The following NAALADL2 variants were observed in gnomAD, a reference collection of about 807,000 sequenced individuals.
NAALADL2 encodes inactive N-acetylated-alpha-linked acidic dipeptidase-like protein 2.
Under a neutral mutation model 87.2 loss-of-function variants are expected in NAALADL2, and 76 were observed. The ratio of observed to expected loss-of-function variants is 0.87; its 90% CI spans 0.72 to 1.05. NAALADL2 has a LOEUF of 1.05. Among genes scored for constraint, NAALADL2 ranks in the 50% least tolerant of loss-of-function variants. NAALADL2 has a pLI of 0.00. For missense variants in NAALADL2, 1,089 were observed against 945.8 expected, an observed-to-expected ratio of 1.15 and a Z score of -1.99; for synonymous variants, 354 against 331.0, an observed-to-expected ratio of 1.07 and a Z score of -0.75.
chr3:175,342,057 G>T lies in NAALADL2; in HGVS notation c.1090+17732G>T, dbSNP rs867496332. Among the ~76,000 whole-genome samples, 3 of 152,048 alleles carry T rather than the reference G, an allele frequency of 2.0e-5. No homozygotes were observed. The East Asian group carries it at 5.8e-4, about 29-fold the overall frequency. Reference sequence around the variant, plus strand: ...TCTGTCCTTATACCAGTAATACACTGTCTAGGTTACTATAATTTTGTAGTA... The same window carrying T: ...TCTGTCCTTATACCAGTAATACACTTTCTAGGTTACTATAATTTTGTAGTA... On this transcript the variant is annotated intron_variant, in intron 5 of 13. Transcript: ENST00000454872.
At chr3:174,694,288 G>C (rs604072) in intron 2 of NAALADL2, among the ~76,000 whole-genome samples, 52,236 of 151,812 alleles carry the variant, frequency 0.34, 10,170 homozygotes, top group Non-Finnish European at 0.43. Context: ...AGTAACTATG[G>C]CTGAAAAAAT....
chr3:175,683,497 T>C (rs768265584), intron 11 of NAALADL2, among the ~76,000 whole-genome samples: 5 of 151,970 alleles, frequency 3.3e-5, no homozygotes, highest in Non-Finnish European at 5.9e-5. Flanking sequence ...TTTAATACAT[T>C]ATATATGTAT....
In NAALADL2 at chr3:175,809,422, A is replaced by G. The variant is rs1306410264; in HGVS notation, c.*6219A>G. The G allele has an allele frequency of 2.0e-5, 3 of 149,472 alleles. No homozygotes were observed. The highest frequency in any genetic ancestry group is 4.4e-5 in the Non-Finnish European group (3 of 67,622). 9.3% of individuals were successfully genotyped at this position (149,472 alleles called of 1,614,324 possible). ...GAATATGGATATTCTGAAAAGAAAA[A>G]CCCTTTCTAGAACACTGTGCAGGAC... On this transcript the variant is annotated 3_prime_UTR_variant, in exon 14 of 14. Transcript: ENST00000454872.
intron 5 of NAALADL2, among the ~76,000 whole-genome samples, chr3:175,442,933 A>G (rs553718652): frequency 9.2e-5 from 14 of 152,192 alleles, no homozygotes; most frequent in Non-Finnish European, 1.5e-4. Context: ...TTTTCATCTC[A>G]TATCTAATGG....
chr3:175,071,819 C>T (rs1462438401), intron 1 of NAALADL2, among the ~76,000 whole-genome samples: 2 of 151,938 alleles, frequency 1.3e-5, no homozygotes, highest in African/African-American at 4.8e-5. Context: ...CAATGAAAAA[C>T]ATGAAAAGAG....
intron 11 of NAALADL2, among the ~76,000 whole-genome samples, chr3:175,690,288 A>G (rs930087909): frequency 8.5e-5 from 13 of 152,188 alleles, no homozygotes; most frequent in African/African-American, 2.9e-4. Flanking sequence ...CTGGAGAAAT[A>G]ATATTCAGGG....
In NAALADL2 at chr3:174,789,135, A is replaced by G. The variant is rs1315437974; in HGVS notation, c.-9+51389A>G. Among the ~76,000 whole-genome samples, 4 of 152,284 alleles carry G rather than the reference A, an allele frequency of 2.6e-5. No individual in the cohort carries two copies. The East Asian group carries it at 5.8e-4, about 22-fold the overall frequency. ...GAGCAAAATGTTTTTTCATTAATCC[A>G]TATTGCTTCATTTGTAACTGTCTTC... is the stretch of plus-strand genomic sequence containing the variant. On this transcript the variant is annotated intron_variant, in intron 3 of 3. Transcript: ENST00000434257.
chr3:175,154,142 T>C (rs574812476), intron 2 of NAALADL2, among the ~76,000 whole-genome samples: 1 of 152,294 alleles, frequency 6.6e-6, no homozygotes, highest in South Asian at 2.1e-4. Context: ...AATTTCTAGG[T>C]GATTTCAACA....
At chr3:175,180,776 A>G (rs924092879) in intron 2 of NAALADL2, among the ~76,000 whole-genome samples, 3 of 151,656 alleles carry the variant, frequency 2.0e-5, no homozygotes, top group Non-Finnish European at 4.4e-5. Flanking sequence ...AAAGTGTACT[A>G]TTTGTTATGT....
At chr3:175,268,901 T>C (rs918527669) in intron 4 of NAALADL2, among the ~76,000 whole-genome samples, 5 of 151,914 alleles carry the variant, frequency 3.3e-5, no homozygotes, top group African/African-American at 9.7e-5. Context: ...AAATGCCTCC[T>C]GAAAGATCTG....
At chr3:174,516,247 A>T (rs775208824) in intron 1 of NAALADL2, among the ~76,000 whole-genome samples, 5 of 152,060 alleles carry the variant, frequency 3.3e-5, no homozygotes, top group African/African-American at 4.8e-5. Flanking sequence ...TCATTTGTTA[A>T]TGACATTAGT....
At chr3:174,679,901 AAT>A (rs1727370491) in intron 2 of NAALADL2, among the ~76,000 whole-genome samples, 2 of 152,166 alleles carry the variant, frequency 1.3e-5, no homozygotes, top group Non-Finnish European at 2.9e-5. Context: ...GTTTTGTTGA[AAT>A]ATGTACTTAC....
intron 11 of NAALADL2, among the ~76,000 whole-genome samples, chr3:175,720,712 A>G (rs190756870): frequency 6.6e-6 from 1 of 152,266 alleles, no homozygotes; most frequent in East Asian, 1.9e-4. Context: ...AGTAAGAATA[A>G]CAACTAGACT....
At chr3:175,741,001 G>A (rs1745165720) in intron 12 of NAALADL2, among the ~76,000 whole-genome samples, 1 of 152,166 alleles carries the variant, frequency 6.6e-6, no homozygotes, top group African/African-American at 2.4e-5. Flanking sequence ...ATCTAGTGGA[G>A]AGGTAAAATT....
chr3:175,482,824 T>C (rs1428336504), intron 9 of NAALADL2, among the ~76,000 whole-genome samples: 1 of 151,654 alleles, frequency 6.6e-6, no homozygotes, highest in Non-Finnish European at 1.5e-5. Context: ...ACATAATCTT[T>C]TGAGATTAAC....
chr3:175,151,079 A>G (rs1731477817), intron 2 of NAALADL2, among the ~76,000 whole-genome samples: 1 of 152,158 alleles, frequency 6.6e-6, no homozygotes, highest in Non-Finnish European at 1.5e-5. Flanking sequence ...AAAAAGACAC[A>G]CCTGTAGTCT....
At chr3:175,490,027 G>T (rs763660575) in intron 9 of NAALADL2, among the ~76,000 whole-genome samples, 10 of 152,232 alleles carry the variant, frequency 6.6e-5, no homozygotes, top group African/African-American at 2.4e-4. Flanking sequence ...TTCTAAAGGT[G>T]GGTCCTACTT....
At chr3:174,784,486 A>C (rs1163129511) in intron 3 of NAALADL2, among the ~76,000 whole-genome samples, 1 of 152,208 alleles carries the variant, frequency 6.6e-6, no homozygotes, top group Admixed American at 6.5e-5. Flanking sequence ...AATGTGCCTC[A>C]GTAGCTAGCA....
chr3:174,611,650 GGT>G (rs1219343643), intron 2 of NAALADL2, among the ~76,000 whole-genome samples: 1 of 152,058 alleles, frequency 6.6e-6, no homozygotes, highest in Non-Finnish European at 1.5e-5. Flanking sequence ...GGAGAGCAGT[GGT>G]GTGATCTCGG....
Sources: gnomAD v4.1 joint callset for allele counts (sites outside exome capture counted in the v4.1 genomes callset) on GRCh38, gnomAD v4.1.1 for gene constraint, MANE v1.5 for transcripts, NCBI Gene and HGNC (gene_info 2026-07-23, HGNC 2026-07-21) for gene names.